NEURL3: variants seen among roughly 807,000 people sequenced by gnomAD.
NEURL3 encodes the protein E3 ubiquitin-protein ligase NEURL3.
In NEURL3, 19 loss-of-function variants were observed where a neutral mutation model predicts 17.6. That is an observed-to-expected ratio of 1.08 (90% CI 0.75 to 1.58). The LOEUF is 1.58. NEURL3 is among the 40% of genes most tolerant of loss of function. The pLI is 0.00. For synonymous variants in NEURL3, 180 were observed against 161.4 expected, an observed-to-expected ratio of 1.11 and a Z score of -0.87; for missense variants, 342 against 379.6, an observed-to-expected ratio of 0.90 and a Z score of 0.82.
At chr2:96,500,977 C>T (rs2065502123) in intron 1 of NEURL3, 53 bp from the exon 2 acceptor site, 1 of 1,454,028 alleles carries the variant, frequency 6.9e-7, no homozygotes, top group Non-Finnish European at 9.0e-7. Flanking sequence ...GACCCACCAG[C>T]TCCCCAGAGA....
In NEURL3 at chr2:96,498,466, A is replaced by G; in HGVS notation, c.587-20T>C. 1 of 1,577,976 alleles carries G rather than the reference A, an allele frequency of 6.3e-7. No homozygotes were observed. The highest frequency in any genetic ancestry group is 8.6e-7 in the Non-Finnish European group (1 of 1,162,894). On this transcript the variant is annotated intron_variant, in intron 3 of 3. Transcript: ENST00000451794. The surrounding 1 kb of genome is among the most constrained non-coding windows in gnomAD (Gnocchi z 4.4). ...GTGTGGCTGGAAGAGGGAGCAACAC[A>G]GGTCAGGGCACATGGGGGAAGGGGT...
chr2:96,502,302 C>T (rs1411548137), intron 1 of NEURL3, among the ~76,000 whole-genome samples: 2 of 152,232 alleles, frequency 1.3e-5, no homozygotes, highest in Non-Finnish European at 2.9e-5. Flanking sequence ...AGAGCCAGCA[C>T]ACATGGAGAG....
intron 2 of NEURL3, among the ~76,000 whole-genome samples, chr2:96,499,691 C>T (rs2065480446): frequency 6.6e-6 from 1 of 152,148 alleles, no homozygotes. Context: ...TCAGGCCCCT[C>T]TTCTTTGCCC....
intron 1 of NEURL3, among the ~76,000 whole-genome samples, chr2:96,504,154 G>A (rs958671319): frequency 5.3e-5 from 8 of 152,192 alleles, no homozygotes; most frequent in Admixed American, 4.6e-4. Context: ...GTGGGGCAGG[G>A]GCGGCCCCTT....
At chr2:96,500,244 G>C in intron 2 of NEURL3, 195 bp downstream of exon 2, 1 of 695,064 alleles carries the variant, frequency 1.4e-6, no homozygotes, top group Non-Finnish European at 2.4e-6. Flanking sequence ...CATTCTTTAG[G>C]GACAAGACTG....
At chr2:96,502,342 G>C (rs2065517087) in intron 1 of NEURL3, among the ~76,000 whole-genome samples, 2 of 152,210 alleles carry the variant, frequency 1.3e-5, no homozygotes, top group African/African-American at 4.8e-5. Context: ...CCTGACATCA[G>C]TGAACCTGAC....
chr2:96,498,316 C>T lies in NEURL3; in HGVS notation c.717G>A (p.Val239=). The T allele has an allele frequency of 1.3e-6, 2 of 1,597,384 alleles. No homozygotes were observed. The highest frequency in any genetic ancestry group is 1.1e-5 in the South Asian group (1 of 90,476). The stretch of plus-strand genomic sequence containing the variant: ...CTACCGCCTCTATCTGCCAGCGGCA[C>T]ACAGGGCACTTGGCCGTATCGCTGA... ...RVFSDTAKCP[V]CRWQIEAVAP... The change falls in exon 4 of 4, where the codon GTG becomes GTA. Residue 239 remains valine (V), a synonymous_variant. Transcript: ENST00000451794. The surrounding 1 kb of genome is among the most constrained non-coding windows in gnomAD (Gnocchi z 4.4).
At chr2:96,506,763 G>A (rs1194195508), upstream of NEURL3, among the ~76,000 whole-genome samples, 2 of 152,264 alleles carry the variant, frequency 1.3e-5, no homozygotes, top group African/African-American at 4.8e-5. Flanking sequence ...CATCTTATTA[G>A]GGAAGTCAAC....
chr2:96,498,608 A>G lies in NEURL3; in HGVS notation c.587-162T>C. 3.9e-6 allele frequency: 1 copy of G among 254,758 alleles called. No individual in the cohort carries two copies. Among genetic ancestry groups the G allele is most frequent in the South Asian group, 1.5e-4 (1 of 6,838 alleles). The allele number at this position is 254,758 out of a possible 1,614,324, so 15.8% of individuals were successfully genotyped here. A position where few individuals can be genotyped will look rare whatever the true frequency, so the allele number is the denominator to read the frequency against. ...GTGTAATCAAGTGAAAAAAAGGGGGAAGAAAACCATTTTTTATATACATAT... is the reference window on the plus strand; with the variant it reads ...GTGTAATCAAGTGAAAAAAAGGGGGGAGAAAACCATTTTTTATATACATAT... On this transcript the variant is annotated intron_variant, in intron 3 of 3. Transcript: ENST00000451794. This position sits in a 1 kb window ranked among gnomAD's most constrained non-coding sequence, Gnocchi z 4.4.
Position 96,505,258 on chromosome 2 carries a change from C to A in NEURL3, c.28+1G>T, listed in dbSNP as rs1268705207. 6.3e-7 allele frequency: 1 copy of A among 1,599,232 alleles called. No homozygotes were observed. The highest frequency in any genetic ancestry group is 1.1e-5 in the South Asian group (1 of 91,086). On this transcript the variant is annotated splice_donor_variant, in intron 1 of 3. Transcript: ENST00000451794. LOFTEE classifies it high-confidence loss of function. Reference sequence around the variant, plus strand: ...TCCAGGCTTGCAGGAGGTCTACTTACTGGCCTCGAAGCAGAGCTGGGCACC... The same window carrying A: ...TCCAGGCTTGCAGGAGGTCTACTTAATGGCCTCGAAGCAGAGCTGGGCACC...
At chr2:96,499,209 G>A in intron 3 of NEURL3, 169 bp downstream of exon 3, 6 of 1,402,946 alleles carry the variant, frequency 4.3e-6, no homozygotes, top group Non-Finnish European at 5.6e-6. Flanking sequence ...AAATGCTCTC[G>A]AAGGCAGAGA....
intron 1 of NEURL3, among the ~76,000 whole-genome samples, chr2:96,504,066 T>C (rs1023973688): frequency 6.6e-6 from 1 of 152,196 alleles, no homozygotes; most frequent in Non-Finnish European, 1.5e-5. Context: ...GCCTGCGGGC[T>C]AAGCAGGGCC....
At chr2:96,502,352 C>T in intron 1 of NEURL3, among the ~76,000 whole-genome samples, 1 of 152,224 alleles carries the variant, frequency 6.6e-6, no homozygotes, top group East Asian at 1.9e-4. Flanking sequence ...GTGAACCTGA[C>T]CTTGTGCCCA....
At chr2:96,506,384 T>C (rs2065560886), upstream of NEURL3, among the ~76,000 whole-genome samples, 1 of 152,202 alleles carries the variant, frequency 6.6e-6, no homozygotes, top group Admixed American at 6.5e-5. Flanking sequence ...ATTTCTGATA[T>C]TGTGAAGACA....
intron 1 of NEURL3, among the ~76,000 whole-genome samples, chr2:96,504,030 G>A (rs1307006375): frequency 6.6e-6 from 1 of 152,242 alleles, no homozygotes; most frequent in Non-Finnish European, 1.5e-5. Context: ...CCTGCCCCGG[G>A]GTCCCCACTG....
chr2:96,502,015 T>A (rs895281129), intron 1 of NEURL3, among the ~76,000 whole-genome samples: 2 of 152,046 alleles, frequency 1.3e-5, no homozygotes, highest in Non-Finnish European at 2.9e-5. Flanking sequence ...GGAGGCTCCA[T>A]CTGGTCAGGC....
Position 96,498,289 on chromosome 2 carries a change from G to T in NEURL3, c.744C>A (p.Ala248=), listed in dbSNP as rs1488114125. 6.3e-7 allele frequency: 1 copy of T among 1,589,094 alleles called. No individual in the cohort carries two copies. The highest frequency in any genetic ancestry group is 8.5e-7 in the Non-Finnish European group (1 of 1,175,390). ...TCAGAGCAGGAGGGCCCTGCGCAGGGGCTACCGCCTCTATCTGCCAGCGGC... is the reference window on the plus strand; with the variant it reads ...TCAGAGCAGGAGGGCCCTGCGCAGGTGCTACCGCCTCTATCTGCCAGCGGC... ...PVCRWQIEAV[A]PAQGPPALRV... Residue 248 remains alanine, a synonymous_variant, in exon 4 of 4, where the codon GCC becomes GCA. Coordinates refer to ENST00000451794, the MANE Select transcript of NEURL3 (RefSeq NM_001285485.2). The surrounding 1 kb of genome is among the most constrained non-coding windows in gnomAD (Gnocchi z 4.4).
At chr2:96,507,319 T>C (rs535205224), upstream of NEURL3, among the ~76,000 whole-genome samples, 6 of 152,372 alleles carry the variant, frequency 3.9e-5, no homozygotes, top group East Asian at 1.2e-3. Context: ...CTGTGTCATG[T>C]AAAATTTACA....
chr2:96,500,597 G>A lies in NEURL3; in HGVS notation c.356C>T (p.Thr119Ile), dbSNP rs766760024. Reference protein sequence around the residue: ...AAVLPEGCALTGDLVRFWVDR... With the variant: ...AAVLPEGCALIGDLVRFWVDR... The stretch of plus-strand genomic sequence containing the variant: ...CACCCAGAAGCGGACCAAGTCCCCA[G>A]TGAGCGCGCAGCCCTCAGGCAGCAC... Residue 119 changes from threonine to isoleucine, a missense_variant, in exon 2 of 4, where the codon ACT becomes ATT. By Grantham distance (89) the Thr-to-Ile change is moderately conservative. Transcript: ENST00000451794. 1.2e-5 allele frequency: 19 copies of A among 1,529,458 alleles called. No individual in the cohort carries two copies. In the African/African-American group the frequency reaches 2.3e-4, roughly 19 times the overall value. The allele number at this position is 1,529,458 out of a possible 1,614,324, so 94.7% of individuals were successfully genotyped here.
Sources: gnomAD v4.1 joint callset for allele counts (sites outside exome capture counted in the v4.1 genomes callset) on GRCh38, gnomAD v4.1.1 for gene constraint, Gnocchi (gnomAD v3.1) non-coding constraint, MANE v1.5 for transcripts, NCBI Gene and HGNC (gene_info 2026-07-23, HGNC 2026-07-21) for gene names.